NEO1: variants seen among roughly 807,000 people sequenced by gnomAD.
NEO1 encodes the protein neogenin 1.
Under a neutral mutation model 159.7 loss-of-function variants are expected in NEO1, and 63 were observed. The observed-to-expected ratio is 0.39, with a 90% CI of 0.32 to 0.49. NEO1 has a LOEUF of 0.49. Ranked by LOEUF, NEO1 falls within the 20% of genes least tolerant of loss-of-function variation. The pLI is 0.85. For missense variants in NEO1, 1,615 were observed against 1,831.0 expected (o/e 0.88, Z 2.15); for synonymous variants, 633 against 662.0 (o/e 0.96, Z 0.67).
chr15:73,266,515 T>C lies in NEO1; in HGVS notation c.2494+104T>C, dbSNP rs1193293791. On this transcript the variant is annotated intron_variant, in intron 16 of 28. Transcript: ENST00000261908. ...TAGGTGTTAGGGAAGAAAAAGCATA[T>C]GGCAGTTTCGGGTGCTGACTTCAAA... The C allele has an allele frequency of 5.2e-6, 4 of 770,514 alleles. No homozygotes were observed. In the Admixed American group the frequency reaches 8.9e-5, roughly 17 times the overall value. The allele number at this position is 770,514 out of a possible 1,614,324, so 47.7% of individuals were successfully genotyped here.
rs182748892 is a variant in NEO1 at position 73,238,453 on chromosome 15, G to A, written c.1451+1947G>A. 3.1e-4 allele frequency among the ~76,000 whole-genome samples: 47 copies of A among 151,496 alleles called. 1 individual carries two copies. The East Asian group carries it at 8.3e-3, about 27-fold the overall frequency. On this transcript the variant is annotated intron_variant, in intron 8 of 28. Coordinates refer to ENST00000261908, the MANE Select transcript of NEO1 (RefSeq NM_002499.4). ...TAAGTTAATACATTAATTTCAATTCGTGGAGAAATAATAGATAATTCAAGT... is the reference window on the plus strand; with the variant it reads ...TAAGTTAATACATTAATTTCAATTCATGGAGAAATAATAGATAATTCAAGT...
intron 1 of NEO1, among the ~76,000 whole-genome samples, chr15:73,081,437 G>A (rs891521178): frequency 6.6e-6 from 1 of 152,150 alleles, no homozygotes; most frequent in Non-Finnish European, 1.5e-5. Context: ...AACTGGCTCA[G>A]GTTCAAATAC....
intron 21 of NEO1, 50 bp downstream of exon 21, chr15:73,274,774 T>G: frequency 6.5e-7 from 1 of 1,533,194 alleles, no homozygotes; most frequent in Non-Finnish European, 8.8e-7. Context: ...TGTGACCTAT[T>G]ATTAGCTTTT....
intron 1 of NEO1, among the ~76,000 whole-genome samples, chr15:73,109,534 T>G (rs560096619): frequency 3.3e-5 from 5 of 152,204 alleles, no homozygotes; most frequent in Non-Finnish European, 5.9e-5. Context: ...GAAAGCACTC[T>G]TATAAATTTT....
At chr15:73,197,046 T>C (rs959521343) in intron 7 of NEO1, among the ~76,000 whole-genome samples, 2 of 152,192 alleles carry the variant, frequency 1.3e-5, no homozygotes, top group Non-Finnish European at 2.9e-5. Flanking sequence ...CTACCTTATC[T>C]GTCAGTTTCT....
chr15:73,076,170 T>C (rs984636349), intron 1 of NEO1, among the ~76,000 whole-genome samples: 3 of 152,176 alleles, frequency 2.0e-5, no homozygotes, highest in Admixed American at 6.5e-5. Context: ...TGTCTGCTTT[T>C]GGTTTGTGAT....
At chr15:73,063,396 G>A (rs559046738) in intron 1 of NEO1, among the ~76,000 whole-genome samples, 70 of 151,856 alleles carry the variant, frequency 4.6e-4, no homozygotes, top group Admixed American at 1.7e-3. Flanking sequence ...TATTATTGTC[G>A]TTTTTATTAT....
At position 73,236,503 on chromosome 15, in the gene NEO1, C is replaced by G. The variant is rs770751919; in HGVS notation, c.1448C>G (p.Ala483Gly). 2 of 1,613,746 alleles carry G rather than the reference C, an allele frequency of 1.2e-6. No homozygotes were observed. The highest frequency in any genetic ancestry group is 2.7e-5 in the African/African-American group (2 of 74,922). Residue 483 changes from alanine (A) to glycine (G), a missense_variant, in exon 8 of 29, where the codon GCT becomes GGT. Ala to Gly is a moderately conservative substitution (Grantham distance 60). Coordinates refer to ENST00000261908, the MANE Select transcript of NEO1 (RefSeq NM_002499.4). ...YSVFYTKEGI[A>G]RERVENTSHP... ...GTGTTCTACACCAAGGAAGGGATTG[C>G]TAGGTAAGTGCCTGTGTGTCTGCAG...
chr15:73,052,962 GGGA>G (rs935660170), intron 1 of NEO1, among the ~76,000 whole-genome samples, 157 bp downstream of exon 1: 2 of 151,904 alleles, frequency 1.3e-5, no homozygotes, highest in Admixed American at 6.5e-5. Context: ...GCGCGTGGTG[GGGA>G]GGAGAAGGGC....
At chr15:73,099,187 G>A (rs1049142968) in intron 1 of NEO1, among the ~76,000 whole-genome samples, 1 of 152,142 alleles carries the variant, frequency 6.6e-6, no homozygotes, top group African/African-American at 2.4e-5. Context: ...TTCTGATGCT[G>A]TTAACTTCTT....
intron 5 of NEO1, among the ~76,000 whole-genome samples, chr15:73,149,813 A>T (rs1434370885): frequency 6.6e-6 from 1 of 152,190 alleles, no homozygotes; most frequent in Non-Finnish European, 1.5e-5. Context: ...AAAAATCAGG[A>T]TATTTGGGAT....
At chr15:73,247,779 A>G (rs1222220309) in intron 9 of NEO1, among the ~76,000 whole-genome samples, 7 of 152,220 alleles carry the variant, frequency 4.6e-5, no homozygotes, top group Non-Finnish European at 1.0e-4. Flanking sequence ...AGGCATAGAC[A>G]GCCACACAGG....
intron 1 of NEO1, among the ~76,000 whole-genome samples, chr15:73,085,194 C>G (rs921161134): frequency 2.0e-4 from 30 of 152,266 alleles, no homozygotes; most frequent in African/African-American, 6.0e-4. Flanking sequence ...TTCACCATCC[C>G]TTTCCCTTTT....
chr15:73,254,604 A>C, intron 12 of NEO1, 78 bp from the exon 13 acceptor site: 1 of 1,426,194 alleles, frequency 7.0e-7, no homozygotes, highest in South Asian at 1.5e-5. Flanking sequence ...TAAACAGTAA[A>C]ATCAGGATAA....
At chr15:73,245,131 T>C (rs2039719787) in intron 9 of NEO1, among the ~76,000 whole-genome samples, 1 of 152,136 alleles carries the variant, frequency 6.6e-6, no homozygotes, top group South Asian at 2.1e-4. Flanking sequence ...AAGATATTTA[T>C]CACGTTTTTC....
rs770459311 is a variant in NEO1, at chr15:73,122,591, A to C, written c.515A>C (p.Asn172Thr). The part of the protein sequence containing the change: ...SVYAGNNAIL[N>T]CEVNADLVPF... ...TATGCTGGGAACAATGCAATTCTGAATTGTGAAGTTAATGCAGATTTGGTC... is the reference window on the plus strand; with the variant it reads ...TATGCTGGGAACAATGCAATTCTGACTTGTGAAGTTAATGCAGATTTGGTC... Residue 172 changes from asparagine to threonine, a missense_variant, in exon 3 of 29, where the codon AAT becomes ACT. Transcript: ENST00000261908. 3.7e-6 allele frequency: 6 copies of C among 1,614,060 alleles called. No homozygotes were observed. Among genetic ancestry groups the C allele is most frequent in the Non-Finnish European group, 5.1e-6 (6 of 1,180,030 alleles).
At chr15:73,118,577 C>G (rs1248515016) in intron 2 of NEO1, among the ~76,000 whole-genome samples, 1 of 152,108 alleles carries the variant, frequency 6.6e-6, no homozygotes, top group African/African-American at 2.4e-5. Context: ...TATCCTCCAC[C>G]TTTTCCTCAC....
rs576287359 is a variant in NEO1 at position 73,133,121 on chromosome 15, G to A, written c.879-2770G>A. Reference sequence around the variant, plus strand: ...CACAATTTGCAATTGCAAAAATATGGAACCAGCCCAAATGCCCATCAGTTG... The same window carrying A: ...CACAATTTGCAATTGCAAAAATATGAAACCAGCCCAAATGCCCATCAGTTG... On this transcript the variant is annotated intron_variant, in intron 4 of 28. Coordinates refer to ENST00000261908, the MANE Select transcript of NEO1 (RefSeq NM_002499.4). Among the ~76,000 whole-genome samples the A allele has an allele frequency of 8.8e-4, 134 of 152,046 alleles. 1 individual carries two copies. The highest frequency in any genetic ancestry group is 3.2e-3 in the African/African-American group (131 of 41,460).
intron 1 of NEO1, among the ~76,000 whole-genome samples, chr15:73,076,872 C>T (rs1320135787): frequency 6.6e-6 from 1 of 152,150 alleles, no homozygotes; most frequent in Non-Finnish European, 1.5e-5. Context: ...GTTTATAAGA[C>T]AACTGTGTTT....
Sources: gnomAD v4.1 joint callset for allele counts (sites outside exome capture counted in the v4.1 genomes callset) on GRCh38, gnomAD v4.1.1 for gene constraint, MANE v1.5 for transcripts, NCBI Gene and HGNC (gene_info 2026-07-23, HGNC 2026-07-21) for gene names.